JADE2: variants seen among roughly 807,000 people sequenced by gnomAD.
The protein encoded by JADE2 is E3 ubiquitin-protein ligase Jade-2.
Under a neutral mutation model 85.7 loss-of-function variants are expected in JADE2, and 13 were observed. The observed-to-expected ratio is 0.15, with a 90% confidence interval of 0.10 to 0.24. JADE2 has a LOEUF of 0.24. JADE2 is among the 10% of genes least tolerant of loss of function. The pLI is 1.00. For missense variants in JADE2, 846 were observed against 1,115.9 expected (o/e 0.76, Z 3.45); for synonymous variants, 440 against 456.1 (o/e 0.96, Z 0.45).
intron 11 of JADE2, among the ~76,000 whole-genome samples, chr5:134,577,910 T>C (rs558135160): frequency 1.3e-5 from 2 of 152,122 alleles, no homozygotes; most frequent in East Asian, 1.9e-4. Flanking sequence ...GATCCCTTTA[T>C]CCATGCTCTT....
rs541190458 is a variant in JADE2 at position 134,556,131 on chromosome 5, C to G, written c.312-3699C>G. Among the ~76,000 whole-genome samples the G allele has an allele frequency of 6.6e-5, 10 of 152,338 alleles. No individual in the cohort carries two copies. In the East Asian group the frequency reaches 1.5e-3, roughly 23 times the overall value. The stretch of plus-strand genomic sequence containing the variant: ...GCCATCTAAAGCCCTGCCCCTTCCT[C>G]CCTGTCAGCGCTGAGTCACAGCTTC... On this transcript the variant is annotated intron_variant, in intron 4 of 11. Transcript: ENST00000681547.
At chr5:134,539,123 G>A (rs567801940) in intron 3 of JADE2, among the ~76,000 whole-genome samples, 2 of 150,680 alleles carry the variant, frequency 1.3e-5, no homozygotes, top group African/African-American at 2.4e-5. Context: ...GTGCAGTGGC[G>A]TGATCTCGGC....
At chr5:134,527,612 G>C (rs1210390108) in intron 1 of JADE2, among the ~76,000 whole-genome samples, 1 of 149,470 alleles carries the variant, frequency 6.7e-6, no homozygotes, top group Admixed American at 6.7e-5. Flanking sequence ...CCCTTCCTTC[G>C]CCTGGGCCGG....
chr5:134,552,337 C>G (rs573822204), intron 4 of JADE2, 128 bp downstream of exon 4: 11 of 855,306 alleles, frequency 1.3e-5, no homozygotes, highest in Non-Finnish European at 1.8e-5. Context: ...ATTCCATTCC[C>G]TTTTCCAACA....
Position 134,573,640 on chromosome 5 carries a change from C to G in JADE2, c.1435-5C>G. 1 of 1,606,154 alleles carries G rather than the reference C, an allele frequency of 6.2e-7. No homozygotes were observed. Among genetic ancestry groups the G allele is most frequent in the Non-Finnish European group, 8.5e-7 (1 of 1,172,778 alleles). On this transcript the variant is annotated splice_polypyrimidine_tract_variant and splice_region_variant and intron_variant, in intron 9 of 11. Coordinates refer to ENST00000681547, the MANE Select transcript of JADE2 (RefSeq NM_001388185.1). Reference sequence around the variant, plus strand: ...TAAGGTGGAAAATCTCTCTTGTTTTCTCAGGTTAGAAATCTGTGCTACATG... The same window carrying G: ...TAAGGTGGAAAATCTCTCTTGTTTTGTCAGGTTAGAAATCTGTGCTACATG...
chr5:134,574,209 G>A (rs1292435775), intron 10 of JADE2: 1 of 253,006 alleles, frequency 4.0e-6, no homozygotes, highest in South Asian at 4.3e-5. Flanking sequence ...CCTGGCTGTT[G>A]TTTCTCTCTG....
At chr5:134,575,351 G>C (rs1014598907) in intron 10 of JADE2, 2 of 152,300 alleles carry the variant, frequency 1.3e-5, no homozygotes, top group African/African-American at 2.4e-5. Context: ...CCTGTGAACT[G>C]AATCAGGTGA....
At chr5:134,549,486 C>T (rs1007303040) in intron 3 of JADE2, among the ~76,000 whole-genome samples, 18 of 152,092 alleles carry the variant, frequency 1.2e-4, no homozygotes, top group Non-Finnish European at 5.9e-5. Context: ...CATGGTGAAA[C>T]CCCGTATTAA....
At chr5:134,560,115 C>A in intron 5 of JADE2, 125 bp downstream of exon 5, 8 of 1,061,086 alleles carry the variant, frequency 7.5e-6, no homozygotes, top group Non-Finnish European at 8.3e-6. Context: ...AGTCTCCATA[C>A]TGCATTACTG....
intron 8 of JADE2, among the ~76,000 whole-genome samples, chr5:134,565,376 G>T (rs546295053): frequency 1.3e-5 from 2 of 152,376 alleles, no homozygotes; most frequent in East Asian, 3.9e-4. Context: ...AAGGCTAAGA[G>T]AGAGGGTCAG....
Position 134,579,064 on chromosome 5 carries a change from G to A in JADE2, c.2252G>A (p.Arg751Gln), listed in dbSNP as rs34442416. 1.2e-4 allele frequency: 201 copies of A among 1,614,008 alleles called. No homozygotes were observed. In the African/African-American group the frequency reaches 2.4e-3, roughly 19 times the overall value. The change falls in exon 12 of 12, where the codon CGG becomes CAG. Residue 751 changes from arginine to glutamine, a missense_variant. Physicochemically the swap from Arg to Gln is conservative, Grantham distance 43. This residue lies in a region of JADE2 where 300 missense variants were observed against 300.7 expected (regional missense o/e 1.00). Transcript: ENST00000681547. This position sits in a 1 kb window ranked among gnomAD's most constrained non-coding sequence, Gnocchi z 4.6. ...GCAGCAAGCCCTAAGCCTTTGGGCC[G>A]GCTCCGGCCACCCCGCGAGAGCAAG... ...GPAASPKPLG[R>Q]LRPPRESKVT... is the part of the protein sequence containing the mutation.
intron 3 of JADE2, among the ~76,000 whole-genome samples, chr5:134,539,932 C>T (rs1761868456): frequency 6.6e-6 from 1 of 152,184 alleles, no homozygotes; most frequent in African/African-American, 2.4e-5. Flanking sequence ...TTCTTTGAGA[C>T]CTGATGCCCC....
chr5:134,524,639 C>T (rs192863553), upstream of JADE2, among the ~76,000 whole-genome samples: 1 of 152,306 alleles, frequency 6.6e-6, no homozygotes, highest in East Asian at 1.9e-4. Context: ...CCCACCCACC[C>T]GCTCATCACT....
At chr5:134,567,967 G>C (rs560155120) in intron 9 of JADE2, among the ~76,000 whole-genome samples, 1 of 152,186 alleles carries the variant, frequency 6.6e-6, no homozygotes. Flanking sequence ...GGGGCATCAG[G>C]TGTAAGACCT....
chr5:134,565,496 T>C (rs535388353), intron 8 of JADE2, among the ~76,000 whole-genome samples: 3 of 152,282 alleles, frequency 2.0e-5, no homozygotes, highest in Admixed American at 2.0e-4. Flanking sequence ...CAGTGACCCA[T>C]CATCAGCCTT....
chr5:134,526,082 C>G (rs1423320948), intron 1 of JADE2, 71 bp downstream of exon 1: 2 of 985,094 alleles, frequency 2.0e-6, no homozygotes, highest in Admixed American at 6.2e-5. Flanking sequence ...TGCAACAGAT[C>G]TGCCAGCGCT....
intron 3 of JADE2, among the ~76,000 whole-genome samples, chr5:134,544,056 G>A (rs1762141646): frequency 6.6e-6 from 1 of 152,242 alleles, no homozygotes; most frequent in Non-Finnish European, 1.5e-5. Context: ...TCCTCCTCTG[G>A]CCTGGGCAGA....
At chr5:134,569,172 G>A (rs987884279) in intron 9 of JADE2, among the ~76,000 whole-genome samples, 3 of 152,198 alleles carry the variant, frequency 2.0e-5, no homozygotes, top group African/African-American at 4.8e-5. Context: ...ATTGTTGGCC[G>A]TGATTGTTGT....
chr5:134,561,633 A>G (rs1382455856), intron 6 of JADE2, among the ~76,000 whole-genome samples: 1 of 152,098 alleles, frequency 6.6e-6, no homozygotes, highest in East Asian at 1.9e-4. Flanking sequence ...GCCCTTATGC[A>G]CCATCGCTGG....
Sources: gnomAD v4.1 joint callset for allele counts (sites outside exome capture counted in the v4.1 genomes callset) on GRCh38, gnomAD v4.1.1 for gene constraint, gnomAD v4.1.1 regional missense constraint, Gnocchi (gnomAD v3.1) non-coding constraint, MANE v1.5 for transcripts, NCBI Gene and HGNC (gene_info 2026-07-23, HGNC 2026-07-21) for gene names.